FIG4: variants seen among roughly 807,000 people sequenced by gnomAD.
FIG4 encodes polyphosphoinositide phosphatase.
In FIG4, 112 loss-of-function variants were observed where a neutral mutation model predicts 118.6. The ratio of observed to expected loss-of-function variants is 0.94; its 90% CI spans 0.81 to 1.11. FIG4 has a LOEUF of 1.11. FIG4 is among the 50% of genes least tolerant of loss of function. FIG4 has a pLI of 0.00. For synonymous variants in FIG4, 369 were observed against 381.2 expected (o/e 0.97, Z 0.37); for missense variants, 969 against 1,111.7 (o/e 0.87, Z 1.83).
chr6:109,752,966 G>A (rs1183198836), intron 10 of FIG4, among the ~76,000 whole-genome samples: 1 of 152,120 alleles, frequency 6.6e-6, no homozygotes, highest in Non-Finnish European at 1.5e-5. Flanking sequence ...GGTTTTTATG[G>A]TTTTAGGTCT....
chr6:109,816,366 G>A lies in FIG4; in HGVS notation c.2547-8722G>A, dbSNP rs191186794. ...TTAAGCATCCCTCCAAACCATCAAC[G>A]TCATCAAAAACAAGTAAAGCCTGAG... On this transcript the variant is annotated intron_variant, in intron 22 of 22. Coordinates refer to ENST00000230124, the MANE Select transcript of FIG4 (RefSeq NM_014845.6). 7.2e-5 allele frequency among the ~76,000 whole-genome samples: 11 copies of A among 152,224 alleles called. No individual in the cohort carries two copies. The South Asian group carries it at 1.0e-3, about 14-fold the overall frequency.
In FIG4 at chr6:109,731,762, G is replaced by T. The variant is rs150822732; in HGVS notation, c.447-875G>T. ...TATATCAGGAACTTGAGCATCTGCAGATTTTGTTATCTGAGGGAGGACCTG... is the reference window on the plus strand; with the variant it reads ...TATATCAGGAACTTGAGCATCTGCATATTTTGTTATCTGAGGGAGGACCTG... On this transcript the variant is annotated intron_variant, in intron 4 of 22. Transcript: ENST00000230124. Among the ~76,000 whole-genome samples, 14 of 152,238 alleles carry T rather than the reference G, an allele frequency of 9.2e-5. No homozygotes were observed. In the East Asian group the frequency reaches 2.3e-3, roughly 25 times the overall value.
rs767362358 is a variant in FIG4 at position 109,732,698 on chromosome 6, G to A, written c.497+11G>A. Reference sequence around the variant, plus strand: ...CAATTTTTACTTTAGGTAAGTGTGAGGTTAGTTTTGCTCCTATCAATCACA... The same window carrying A: ...CAATTTTTACTTTAGGTAAGTGTGAAGTTAGTTTTGCTCCTATCAATCACA... On this transcript the variant is annotated intron_variant, in intron 5 of 22. Coordinates refer to ENST00000230124, the MANE Select transcript of FIG4 (RefSeq NM_014845.6). 6 of 1,527,106 alleles carry A rather than the reference G, an allele frequency of 3.9e-6. No homozygotes were observed. Among genetic ancestry groups the A allele is most frequent in the Non-Finnish European group, 4.5e-6 (5 of 1,108,684 alleles). 94.6% of individuals were successfully genotyped at this position (1,527,106 alleles called of 1,614,324 possible). A position where few individuals can be genotyped will look rare whatever the true frequency, so the allele number is the denominator to read the frequency against.
At chr6:109,764,794 G>A (rs190264544) in intron 13 of FIG4, among the ~76,000 whole-genome samples, 8 of 152,316 alleles carry the variant, frequency 5.3e-5, no homozygotes, top group Non-Finnish European at 8.8e-5. Flanking sequence ...TGCTGTTACA[G>A]CAATGTATAA....
chr6:109,718,170 T>TTTTTAAGCAACAC (rs1352836121), intron 3 of FIG4, among the ~76,000 whole-genome samples: 2 of 152,082 alleles, frequency 1.3e-5, no homozygotes, highest in Non-Finnish European at 2.9e-5. Flanking sequence ...GTGCCACACA[T>TTTTTAAGCAACAC]TTTTAAGCAA....
intron 15 of FIG4, among the ~76,000 whole-genome samples, chr6:109,771,461 CTTTTTTTTT>C (rs71018367): frequency 2.3e-5 from 2 of 86,026 alleles, no homozygotes; most frequent in East Asian, 3.8e-4. Flanking sequence ...TCCTCTAATT[CTTTTTTTTT>C]TTTTTTTTTT....
At chr6:109,755,936 A>C (rs1281337977) in intron 10 of FIG4, among the ~76,000 whole-genome samples, 1 of 152,162 alleles carries the variant, frequency 6.6e-6, no homozygotes, top group Admixed American at 6.5e-5. Flanking sequence ...GTCCATTTAC[A>C]TTTAACGTTA....
chr6:109,741,639 C>T (rs915108238), intron 8 of FIG4, 95 bp downstream of exon 8: 13 of 859,392 alleles, frequency 1.5e-5, no homozygotes, highest in Non-Finnish European at 2.6e-5. Context: ...AGTGGTATTT[C>T]TTAGTTTGGG....
chr6:109,748,701 T>C (rs1583677912), intron 10 of FIG4, among the ~76,000 whole-genome samples: 1 of 152,166 alleles, frequency 6.6e-6, no homozygotes, highest in African/African-American at 2.4e-5. Context: ...CAGTTCCACG[T>C]GGCTGGGGAA....
intron 3 of FIG4, among the ~76,000 whole-genome samples, chr6:109,719,093 A>C (rs1278753713): frequency 1.3e-5 from 2 of 151,722 alleles, no homozygotes; most frequent in Non-Finnish European, 2.9e-5. Flanking sequence ...TGGTTATTGC[A>C]TTTTTTGTAG....
intron 22 of FIG4, among the ~76,000 whole-genome samples, chr6:109,800,247 T>G (rs4337967): frequency 1 from 152,090 of 152,338 alleles, 75,921 homozygotes; most frequent in Middle Eastern, 1. Flanking sequence ...TAGCAATGCT[T>G]TATTATTAGC....
In FIG4 at chr6:109,732,691, AGT is replaced by A; in HGVS notation, c.497+8_497+9del. ...TATCTAGCAATTTTTACTTTAGGTAAGTGTGAGGTTAGTTTTGCTCCTATCAA... is the reference window on the plus strand; with the variant it reads ...TATCTAGCAATTTTTACTTTAGGTAAGTGAGGTTAGTTTTGCTCCTATCAA... On this transcript the variant is annotated splice_donor_5th_base_variant and intron_variant, in intron 5 of 22. Coordinates refer to ENST00000230124, the MANE Select transcript of FIG4 (RefSeq NM_014845.6). 1 of 1,534,714 alleles carries A rather than the reference AGT, an allele frequency of 6.5e-7. No individual in the cohort carries two copies. The highest frequency in any genetic ancestry group is 1.4e-5 in the African/African-American group (1 of 73,478).
chr6:109,790,928 C>T (rs1464016292), intron 19 of FIG4, among the ~76,000 whole-genome samples: 1 of 152,098 alleles, frequency 6.6e-6, no homozygotes, highest in Non-Finnish European at 1.5e-5. Context: ...TTTGGATACA[C>T]TATGATTGAT....
chr6:109,771,461 C>CT (rs71018367), intron 15 of FIG4, among the ~76,000 whole-genome samples: 11,995 of 85,924 alleles, frequency 0.14, 1,754 homozygotes, highest in East Asian at 0.35. Context: ...TCCTCTAATT[C>CT]TTTTTTTTTT....
At chr6:109,732,412 A>G (rs2128385144) in intron 4 of FIG4, among the ~76,000 whole-genome samples, 1 of 152,324 alleles carries the variant, frequency 6.6e-6, no homozygotes, top group East Asian at 1.9e-4. Context: ...TCTCACTGGC[A>G]TAATCAGTGG....
rs1052424090 is a variant in FIG4 at position 109,766,710 on chromosome 6, C to T, written c.1584-19C>T. 15 of 1,609,040 alleles carry T rather than the reference C, an allele frequency of 9.3e-6. No individual in the cohort carries two copies. Among genetic ancestry groups the T allele is most frequent in the African/African-American group, 8.0e-5 (6 of 74,816 alleles). ...TTTGATTTTGGTGAAATTCTTTAATCGGGTTTTTCTTTTTTTAGGTTATTT... is the reference window on the plus strand; with the variant it reads ...TTTGATTTTGGTGAAATTCTTTAATTGGGTTTTTCTTTTTTTAGGTTATTT... On this transcript the variant is annotated intron_variant, in intron 14 of 22. Transcript: ENST00000230124.
chr6:109,720,713 G>C (rs537651415), intron 3 of FIG4, among the ~76,000 whole-genome samples: 12 of 152,282 alleles, frequency 7.9e-5, no homozygotes, highest in Middle Eastern at 3.4e-3. Flanking sequence ...GTCTCAATTT[G>C]TTTACTTGTC....
At chr6:109,732,045 A>G (rs1198616128) in intron 4 of FIG4, among the ~76,000 whole-genome samples, 1 of 152,230 alleles carries the variant, frequency 6.6e-6, no homozygotes, top group Non-Finnish European at 1.5e-5. Context: ...GATTCACATC[A>G]GTGACAGGAA....
In FIG4 at chr6:109,714,947, C is replaced by G. The variant is rs1775381611; in HGVS notation, c.67-131C>G. On this transcript the variant is annotated intron_variant, in intron 1 of 22. Coordinates refer to ENST00000230124, the MANE Select transcript of FIG4 (RefSeq NM_014845.6). ...GCTTTTCTTTAATCTGCCAGTTATA[C>G]ATAACAGAAATATTTCTTTAAAAAG... is the stretch of plus-strand genomic sequence containing the variant. 7 of 596,350 alleles carry G rather than the reference C, an allele frequency of 1.2e-5. 1 individual carries two copies. In the South Asian group the frequency reaches 1.5e-4, roughly 13 times the overall value. The allele number at this position is 596,350 out of a possible 1,614,324, so 36.9% of individuals were successfully genotyped here.
Sources: gnomAD v4.1 joint callset for allele counts (sites outside exome capture counted in the v4.1 genomes callset) on GRCh38, gnomAD v4.1.1 for gene constraint, MANE v1.5 for transcripts, NCBI Gene and HGNC (gene_info 2026-07-23, HGNC 2026-07-21) for gene names.